The following CDH4 variants were observed in gnomAD, a reference collection of about 807,000 sequenced individuals.
CDH4 encodes the protein cadherin-4.
Under a neutral mutation model 86.0 loss-of-function variants are expected in CDH4, and 33 were observed. That is an observed-to-expected ratio of 0.38 (90% CI 0.29 to 0.51). CDH4 has a LOEUF of 0.51. Among genes scored for constraint, CDH4 ranks in the 20% least tolerant of loss-of-function variants. The pLI is 0.86. For synonymous variants in CDH4, 555 were observed against 549.4 expected (o/e 1.01, Z -0.14); for missense variants, 1,114 against 1,307.4 (o/e 0.85, Z 2.28).
chr20:61,289,152 C>T (rs1427238044), intron 2 of CDH4, among the ~76,000 whole-genome samples: 6 of 152,206 alleles, frequency 3.9e-5, no homozygotes, highest in African/African-American at 4.8e-5. Context: ...CAGAGGAGAA[C>T]GGGGTGCCCC....
chr20:61,336,191 C>T (rs143510113), intron 2 of CDH4, among the ~76,000 whole-genome samples: 185 of 152,282 alleles, frequency 1.2e-3, no homozygotes, highest in African/African-American at 4.1e-3. Context: ...CCCAAACAGA[C>T]CCACTTGGCT....
Position 61,757,123 on chromosome 20 carries a change from A to G in CDH4, c.396+13334A>G, listed in dbSNP as rs536050307. Among the ~76,000 whole-genome samples the G allele has an allele frequency of 3.3e-5, 5 of 152,278 alleles. No homozygotes were observed. In the East Asian group the frequency reaches 9.7e-4, roughly 29 times the overall value. On this transcript the variant is annotated intron_variant, in intron 3 of 15. Coordinates refer to ENST00000614565, the MANE Select transcript of CDH4 (RefSeq NM_001794.5). ...AACCTCCACGCTCCTGCAAGTTCAG[A>G]CACCGTCACCAGCAGAGGTCTGGCT...
At chr20:61,922,965 A>T (rs1404238386) in intron 9 of CDH4, among the ~76,000 whole-genome samples, 1 of 152,212 alleles carries the variant, frequency 6.6e-6, no homozygotes, top group Non-Finnish European at 1.5e-5. Context: ...TTACATGTAC[A>T]AAGACGCTAT....
chr20:61,652,333 G>A (rs1260889382), intron 2 of CDH4, among the ~76,000 whole-genome samples: 4 of 129,006 alleles, frequency 3.1e-5, no homozygotes, highest in Non-Finnish European at 7.4e-5. Flanking sequence ...CAGTGGGACC[G>A]TACCCTACAT....
intron 2 of CDH4, among the ~76,000 whole-genome samples, chr20:61,531,001 A>G (rs2085947485): frequency 6.6e-6 from 1 of 151,804 alleles, no homozygotes; most frequent in African/African-American, 2.4e-5. Context: ...GGGTGGGCCA[A>G]GGGAAAAGCA....
In CDH4 at chr20:61,839,769, TTG is replaced by T. The variant is rs568497185; in HGVS notation, c.577-4891_577-4890del. Among the ~76,000 whole-genome samples, 35 of 151,956 alleles carry T rather than the reference TTG, an allele frequency of 2.3e-4. No individual in the cohort carries two copies. The South Asian group carries it at 6.0e-3, about 26-fold the overall frequency. Reference sequence around the variant, plus strand: ...TGTATGTTTGTGTGTTGTATATGTGTTGTGTGTGTACATGTATGTGTGCTGTG... The same window carrying T: ...TGTATGTTTGTGTGTTGTATATGTGTTGTGTGTACATGTATGTGTGCTGTG... On this transcript the variant is annotated intron_variant, in intron 4 of 15. Coordinates refer to ENST00000614565, the MANE Select transcript of CDH4 (RefSeq NM_001794.5).
At chr20:61,813,585 G>T (rs1980551141) in intron 4 of CDH4, among the ~76,000 whole-genome samples, 1 of 152,208 alleles carries the variant, frequency 6.6e-6, no homozygotes, top group South Asian at 2.1e-4. Context: ...AGCTTCTGGG[G>T]CTGGGCCTGG....
At chr20:61,547,510 A>G (rs1268356672) in intron 2 of CDH4, among the ~76,000 whole-genome samples, 1 of 146,166 alleles carries the variant, frequency 6.8e-6, no homozygotes, top group Non-Finnish European at 1.5e-5. Flanking sequence ...CACCGTGCCC[A>G]GCCCAGAGTA....
intron 2 of CDH4, among the ~76,000 whole-genome samples, chr20:61,259,166 G>A (rs1040306146): frequency 6.6e-6 from 1 of 152,236 alleles, no homozygotes; most frequent in Non-Finnish European, 1.5e-5. Flanking sequence ...TGCTGAATGA[G>A]TGAATGACTC....
intron 2 of CDH4, among the ~76,000 whole-genome samples, chr20:61,672,199 G>T (rs1390476473): frequency 6.6e-6 from 1 of 151,574 alleles, no homozygotes; most frequent in Non-Finnish European, 1.5e-5. Flanking sequence ...ATAATGGATG[G>T]ATGATGGATG....
intron 2 of CDH4, among the ~76,000 whole-genome samples, chr20:61,569,755 G>T (rs75956171): frequency 0.03 from 4,525 of 152,102 alleles, 221 homozygotes; most frequent in African/African-American, 0.094. Flanking sequence ...TTGCTGTCAC[G>T]CCCTTTCATC....
At chr20:61,711,140 C>T (rs2087887802) in intron 2 of CDH4, among the ~76,000 whole-genome samples, 1 of 152,166 alleles carries the variant, frequency 6.6e-6, no homozygotes, top group Admixed American at 6.5e-5. Context: ...AGTTCTCAAC[C>T]ATGATATTGA....
chr20:61,922,129 T>G (rs2054989542), intron 9 of CDH4, among the ~76,000 whole-genome samples: 1 of 152,226 alleles, frequency 6.6e-6, no homozygotes, highest in Non-Finnish European at 1.5e-5. Context: ...GTTTGGGTCA[T>G]TTCCAGCATA....
intron 2 of CDH4, among the ~76,000 whole-genome samples, chr20:61,353,019 C>G (rs1011766951): frequency 1.3e-5 from 2 of 152,118 alleles, no homozygotes; most frequent in African/African-American, 2.4e-5. Context: ...GGGGACCCCA[C>G]GGGCCCCATC....
intron 9 of CDH4, 45 bp from the exon 10 acceptor site, chr20:61,923,406 C>G (rs368867829): frequency 6.2e-7 from 1 of 1,602,420 alleles, no homozygotes; most frequent in East Asian, 2.2e-5. Flanking sequence ...CCCACTCCCA[C>G]GGGAGCTGTG....
At chr20:61,863,366 G>A (rs1328681968) in intron 6 of CDH4, among the ~76,000 whole-genome samples, 2 of 152,224 alleles carry the variant, frequency 1.3e-5, no homozygotes, top group Non-Finnish European at 2.9e-5. Flanking sequence ...AGAAGGAGGT[G>A]GAAAGAGGCC....
At chr20:61,567,516 G>T (rs1288737730) in intron 2 of CDH4, among the ~76,000 whole-genome samples, 4 of 152,120 alleles carry the variant, frequency 2.6e-5, no homozygotes, top group Non-Finnish European at 5.9e-5. Context: ...CTCCACCCTG[G>T]GCCCCTTCCA....
chr20:61,511,610 C>T (rs937396258), intron 2 of CDH4, among the ~76,000 whole-genome samples: 4 of 152,194 alleles, frequency 2.6e-5, no homozygotes, highest in African/African-American at 4.8e-5. Context: ...CAAATATGCT[C>T]GTGAATCATA....
chr20:61,861,392 C>T (rs767561951), intron 6 of CDH4, among the ~76,000 whole-genome samples: 11 of 152,198 alleles, frequency 7.2e-5, no homozygotes, highest in Admixed American at 3.3e-4. Context: ...TTATTTCCCC[C>T]GCATACAACA....
Sources: allele counts gnomAD v4.1 joint callset (sites outside exome capture counted in the v4.1 genomes callset), GRCh38; gene constraint gnomAD v4.1.1; transcripts MANE v1.5; gene names NCBI Gene and HGNC (gene_info 2026-07-23, HGNC 2026-07-21).